Variants in LDB2 observed in about 807,000 individuals in gnomAD.
The protein encoded by LDB2 is LIM domain-binding protein 2.
In LDB2, 12 loss-of-function variants were observed where a neutral mutation model predicts 44.3. The ratio of observed to expected loss-of-function variants is 0.27; its 90% CI spans 0.17 to 0.44. The LOEUF (loss-of-function observed/expected upper bound fraction) is 0.44. LDB2 is among the 20% of genes least tolerant of loss of function. The pLI is 1.00. For missense variants in LDB2, 344 were observed against 473.5 expected (o/e 0.73, Z 2.54); for synonymous variants, 164 against 174.8 (o/e 0.94, Z 0.49).
intron 2 of LDB2, among the ~76,000 whole-genome samples, chr4:16,727,935 T>A (rs1759871792): frequency 6.6e-6 from 1 of 152,182 alleles, no homozygotes; most frequent in Admixed American, 6.5e-5. Context: ...TCAGGAAGGT[T>A]TACAGTCTAA....
intron 1 of LDB2, among the ~76,000 whole-genome samples, chr4:16,897,454 G>T (rs2110574468): frequency 6.6e-6 from 1 of 152,300 alleles, no homozygotes; most frequent in Admixed American, 6.5e-5. Flanking sequence ...AGCTGAGCTA[G>T]CACAGAGAAA....
chr4:16,889,110 C>CACAT (rs1201761644), intron 1 of LDB2: 6 of 152,004 alleles, frequency 3.9e-5, no homozygotes, highest in Admixed American at 1.3e-4. Context: ...CACACACACA[C>CACAT]ACATACATAC....
intron 5 of LDB2, among the ~76,000 whole-genome samples, chr4:16,541,840 G>T (rs536661039): frequency 2.0e-5 from 3 of 152,326 alleles, no homozygotes; most frequent in East Asian, 3.9e-4. Flanking sequence ...ATGCATAGGA[G>T]TTGAGAATTG....
intron 5 of LDB2, among the ~76,000 whole-genome samples, chr4:16,556,363 T>G (rs1739589989): frequency 1.3e-5 from 2 of 152,190 alleles, no homozygotes; most frequent in Non-Finnish European, 2.9e-5. Flanking sequence ...CTCAATTATT[T>G]CAGTTATTAT....
chr4:16,642,610 C>T (rs1210269276), intron 2 of LDB2, among the ~76,000 whole-genome samples: 1 of 152,160 alleles, frequency 6.6e-6, no homozygotes, highest in Non-Finnish European at 1.5e-5. Context: ...TCCATGGACC[C>T]AGCTTCAGGA....
intron 2 of LDB2, among the ~76,000 whole-genome samples, chr4:16,643,130 C>T (rs940364115): frequency 1.5e-5 from 2 of 130,940 alleles, no homozygotes; most frequent in Non-Finnish European, 3.1e-5. Context: ...ACCACACAAT[C>T]GGTTTATTAC....
chr4:16,716,674 C>T (rs989384679), intron 2 of LDB2, among the ~76,000 whole-genome samples: 5 of 152,100 alleles, frequency 3.3e-5, no homozygotes, highest in African/African-American at 1.2e-4. Context: ...TGAAGACTAA[C>T]CAAAGCCCCT....
At chr4:16,560,324 A>G (rs1056587643) in intron 5 of LDB2, among the ~76,000 whole-genome samples, 1 of 152,146 alleles carries the variant, frequency 6.6e-6, no homozygotes, top group Non-Finnish European at 1.5e-5. Flanking sequence ...TGCTAGCAAG[A>G]CTAATAAAGA....
At chr4:16,759,979 A>G (rs1767544224) in intron 1 of LDB2, among the ~76,000 whole-genome samples, 1 of 152,182 alleles carries the variant, frequency 6.6e-6, no homozygotes, top group East Asian at 1.9e-4. Context: ...ACACTTTGGA[A>G]GCGGCCCAGT....
At chr4:16,807,387 T>C (rs970525562) in intron 1 of LDB2, among the ~76,000 whole-genome samples, 4 of 152,224 alleles carry the variant, frequency 2.6e-5, no homozygotes, top group African/African-American at 9.6e-5. Flanking sequence ...AAAAATAGCC[T>C]ATAAACAAGG....
intron 2 of LDB2, among the ~76,000 whole-genome samples, chr4:16,742,074 C>CTTTTTTTT (rs33990510): frequency 2.3e-5 from 3 of 128,310 alleles, no homozygotes; most frequent in Non-Finnish European, 3.2e-5. Flanking sequence ...CTTTTCTTTT[C>CTTTTTTTT]TTTTTTTTTT....
At chr4:16,892,771 TTTAAA>T (rs1325503078) in intron 1 of LDB2, among the ~76,000 whole-genome samples, 7 of 152,182 alleles carry the variant, frequency 4.6e-5, no homozygotes, top group African/African-American at 1.2e-4. Context: ...CTCCATATAC[TTTAAA>T]TTAATTTCTT....
intron 2 of LDB2, among the ~76,000 whole-genome samples, chr4:16,750,102 A>G (rs537508465): frequency 1.6e-4 from 24 of 152,356 alleles, no homozygotes; most frequent in African/African-American, 5.8e-4. Context: ...GCAAACTAAT[A>G]TAGCCATATC....
chr4:16,515,853 A>AT (rs1560330790), intron 5 of LDB2, among the ~76,000 whole-genome samples: 2,185 of 146,646 alleles, frequency 0.015, 22 homozygotes, highest in Non-Finnish European at 0.023. Flanking sequence ...TATTTATTTT[A>AT]TTATTTATTT....
intron 2 of LDB2, among the ~76,000 whole-genome samples, chr4:16,678,334 T>C (rs927160802): frequency 6.6e-6 from 1 of 152,234 alleles, no homozygotes; most frequent in Non-Finnish European, 1.5e-5. Flanking sequence ...TTCTTTTTTA[T>C]CAGCTATATT....
intron 2 of LDB2, among the ~76,000 whole-genome samples, chr4:16,725,158 A>C (rs770017548): frequency 1.3e-5 from 2 of 152,128 alleles, no homozygotes; most frequent in African/African-American, 4.8e-5. Flanking sequence ...ATTCACTGAC[A>C]TGAAACTGAG....
At chr4:16,632,449 T>C (rs1173806710) in intron 2 of LDB2, among the ~76,000 whole-genome samples, 1 of 152,176 alleles carries the variant, frequency 6.6e-6, no homozygotes, top group Non-Finnish European at 1.5e-5. Context: ...ATAAGAGCTA[T>C]TTATGTCAAG....
intron 5 of LDB2, among the ~76,000 whole-genome samples, chr4:16,544,476 T>C (rs1734996393): frequency 6.6e-6 from 1 of 152,172 alleles, no homozygotes; most frequent in Non-Finnish European, 1.5e-5. Flanking sequence ...TAGAACATTA[T>C]TCCATTTAAG....
chr4:16,776,624 T>C (rs995915268), intron 1 of LDB2, among the ~76,000 whole-genome samples: 5 of 152,216 alleles, frequency 3.3e-5, no homozygotes, highest in Admixed American at 2.6e-4. Context: ...AGTGATGATG[T>C]AGTGAACAAA....
Sources: allele counts gnomAD v4.1 joint callset (sites outside exome capture counted in the v4.1 genomes callset), GRCh38; gene constraint gnomAD v4.1.1; transcripts MANE v1.5; gene names NCBI Gene and HGNC (gene_info 2026-07-23, HGNC 2026-07-21).